The following RAB3C variants were observed in gnomAD, a reference collection of about 807,000 sequenced individuals.
RAB3C encodes RAB3C, member RAS oncogene family, also known as ras-related protein Rab-3C.
A neutral mutation model predicts 26.4 loss-of-function variants in RAB3C; 17 were observed. The observed-to-expected ratio is 0.64, with a 90% CI of 0.44 to 0.97. The LOEUF (loss-of-function observed/expected upper bound fraction) is 0.97, where lower values mean the gene tolerates loss of function less well. Ranked by LOEUF, RAB3C falls within the 50% of genes least tolerant of loss-of-function variation. The pLI, the probability that RAB3C is intolerant of heterozygous loss-of-function variation, is 0.00. For missense variants in RAB3C, 242 were observed against 281.9 expected (o/e 0.86, Z 1.01); for synonymous variants, 91 against 95.9 (o/e 0.95, Z 0.30).
chr5:58,851,246 CAA>C lies in RAB3C; in HGVS notation c.582_583del (p.Lys194AsnfsTer8), dbSNP rs1744107893. On this transcript the variant is annotated frameshift_variant, in exon 5 of 5. Coordinates refer to ENST00000282878, the MANE Select transcript of RAB3C (RefSeq NM_138453.4). LOFTEE classifies it high-confidence loss of function. ...AGCGCCTTGTGGATATCATCTGCGA[CAA>C]AATGTCAGAGAGTTTGGAGACTGAT... is the stretch of plus-strand genomic sequence containing the variant. Reference protein sequence around the residue: ...FERLVDIICDKMSESLETDPA... With the variant: ...FERLVDIICDXMSESLETDPA... 2 of 1,613,816 alleles carry C rather than the reference CAA, an allele frequency of 1.2e-6. No individual in the cohort carries two copies. Among genetic ancestry groups the C allele is most frequent in the Non-Finnish European group, 1.7e-6 (2 of 1,179,924 alleles).
intron 3 of RAB3C, among the ~76,000 whole-genome samples, chr5:58,806,993 C>A (rs1229149617): frequency 1.3e-5 from 2 of 152,154 alleles, no homozygotes; most frequent in South Asian, 4.1e-4. Flanking sequence ...ATTGGAAATG[C>A]GTTGGTGACT....
At chr5:58,677,624 C>G (rs1182132498) in intron 2 of RAB3C, among the ~76,000 whole-genome samples, 1 of 148,386 alleles carries the variant, frequency 6.7e-6, no homozygotes, top group Non-Finnish European at 1.5e-5. Flanking sequence ...AATATTGACA[C>G]CAATGCTCAA....
intron 3 of RAB3C, among the ~76,000 whole-genome samples, chr5:58,821,159 C>A (rs535039138): frequency 3.9e-5 from 6 of 152,308 alleles, no homozygotes; most frequent in African/African-American, 1.4e-4. Flanking sequence ...GTCATTAACA[C>A]CCTGGCCCCA....
chr5:58,592,090 G>C (rs1746144250), intron 1 of RAB3C, among the ~76,000 whole-genome samples: 1 of 151,502 alleles, frequency 6.6e-6, no homozygotes, highest in African/African-American at 2.4e-5. Flanking sequence ...GTAGAGACAG[G>C]GTTTCACCAT....
rs1436604193 is a variant in RAB3C at position 58,852,288 on chromosome 5, A to C, written c.*937A>C. On this transcript the variant is annotated 3_prime_UTR_variant, in exon 5 of 5. Coordinates refer to ENST00000282878, the MANE Select transcript of RAB3C (RefSeq NM_138453.4). The stretch of plus-strand genomic sequence containing the variant: ...ACCACCACCATCACTTTCTGGAACC[A>C]TCACCAACTCTTGGACTAGAGCTTA... The C allele has an allele frequency of 6.6e-6, 1 of 152,136 alleles. No individual in the cohort carries two copies. Among genetic ancestry groups the C allele is most frequent in the Non-Finnish European group, 1.5e-5 (1 of 68,040 alleles). 9.4% of individuals were successfully genotyped at this position (152,136 alleles called of 1,614,324 possible).
chr5:58,704,201 C>T (rs764190499), intron 2 of RAB3C, among the ~76,000 whole-genome samples: 1 of 152,170 alleles, frequency 6.6e-6, no homozygotes, highest in Non-Finnish European at 1.5e-5. Flanking sequence ...TTTCTAATGA[C>T]AAATCCTGAA....
chr5:58,704,948 T>G (rs1748914897), intron 2 of RAB3C, among the ~76,000 whole-genome samples: 1 of 152,166 alleles, frequency 6.6e-6, no homozygotes, highest in Non-Finnish European at 1.5e-5. Context: ...AATAATTGTA[T>G]GAGTTTCCTT....
chr5:58,610,822 G>T (rs1439962018), intron 1 of RAB3C, among the ~76,000 whole-genome samples: 1 of 152,130 alleles, frequency 6.6e-6, no homozygotes, highest in African/African-American at 2.4e-5. Context: ...TTGTGTCATG[G>T]AGTTTGTTGT....
At chr5:58,627,471 TAAAAAAAAAAAAAAAAAAA>T (rs58104232) in intron 2 of RAB3C, among the ~76,000 whole-genome samples, 16 of 68,440 alleles carry the variant, frequency 2.3e-4, no homozygotes, top group Non-Finnish European at 3.9e-4. Flanking sequence ...GACTCCGTCT[TAAAAAAAAAAAAAAAAAAA>T]AAAAAAAAAA....
intron 2 of RAB3C, among the ~76,000 whole-genome samples, chr5:58,685,484 C>A (rs1748426712): frequency 6.6e-6 from 1 of 152,178 alleles, no homozygotes; most frequent in African/African-American, 2.4e-5. Context: ...CAGAATAACT[C>A]TCCATCTCAA....
At chr5:58,824,926 G>GT (rs11384049) in intron 3 of RAB3C, 112 bp from the exon 4 acceptor site, 268,674 of 601,478 alleles carry the variant, frequency 0.45, 44,039 homozygotes, top group African/African-American at 0.57. Context: ...TGGACATCGT[G>GT]TTTTTTTTTT....
At chr5:58,702,003 T>C (rs184848597) in intron 2 of RAB3C, among the ~76,000 whole-genome samples, 106 of 152,320 alleles carry the variant, frequency 7.0e-4, no homozygotes, top group African/African-American at 2.4e-3. Flanking sequence ...AAGTGATGTC[T>C]TTTAGTAAGA....
rs138177292 is a variant in RAB3C at position 58,606,850 on chromosome 5, C to T, written c.25-10793C>T. Among the ~76,000 whole-genome samples, 1,506 of 152,260 alleles carry T rather than the reference C, an allele frequency of 9.9e-3. 25 individuals carry two copies. The highest frequency in any genetic ancestry group is 0.034 in the African/African-American group (1,431 of 41,548). The stretch of plus-strand genomic sequence containing the variant: ...ACCTGTTAGAAGGAAAACTAACAAA[C>T]AGAAAGAAATAGCATCGACATCAAC... On this transcript the variant is annotated intron_variant, in intron 1 of 4. Transcript: ENST00000282878.
rs1242197761 is a variant in RAB3C at position 58,612,518 on chromosome 5, G to GTGTGTGTGTGTATATATATA, written c.25-5122_25-5121insGTGTGTGTATATATATATGT. 1.2e-3 allele frequency among the ~76,000 whole-genome samples: 50 copies of GTGTGTGTGTGTATATATATA among 40,566 alleles called. No individual in the cohort carries two copies. In the East Asian group the frequency reaches 0.048, roughly 39 times the overall value. 26.6% of individuals were successfully genotyped at this position (40,566 alleles called of 152,430 possible). ...TGTGTGTGTGTGTGTGTGTGTGTGT[G>GTGTGTGTGTGTATATATATA]TGTATATATATATATATATATATAT... On this transcript the variant is annotated intron_variant, in intron 1 of 4. Transcript: ENST00000282878.
intron 3 of RAB3C, among the ~76,000 whole-genome samples, chr5:58,787,737 T>C (rs777114583): frequency 1.3e-5 from 2 of 152,148 alleles, no homozygotes; most frequent in Non-Finnish European, 2.9e-5. Context: ...TGTTCTTTGG[T>C]GTGCACGGTC....
chr5:58,603,889 C>G (rs1362235436), intron 1 of RAB3C, among the ~76,000 whole-genome samples: 1 of 152,142 alleles, frequency 6.6e-6, no homozygotes, highest in Non-Finnish European at 1.5e-5. Context: ...CTTGTTTTGT[C>G]ATATTATGAG....
intron 2 of RAB3C, among the ~76,000 whole-genome samples, chr5:58,695,240 G>T (rs1363953951): frequency 6.6e-6 from 1 of 152,172 alleles, no homozygotes; most frequent in African/African-American, 2.4e-5. Flanking sequence ...TTGTAGATGT[G>T]TGGTGTTATT....
chr5:58,585,380 GATAA>G (rs1311040113), intron 1 of RAB3C, among the ~76,000 whole-genome samples: 2 of 151,878 alleles, frequency 1.3e-5, no homozygotes, highest in Non-Finnish European at 2.9e-5. Context: ...AATGCAACAA[GATAA>G]ATAATTGACT....
At chr5:58,701,907 A>G (rs946854288) in intron 2 of RAB3C, among the ~76,000 whole-genome samples, 2 of 152,142 alleles carry the variant, frequency 1.3e-5, no homozygotes, top group Non-Finnish European at 2.9e-5. Context: ...AATCATACCT[A>G]TGAAATTCCT....
Sources: allele counts gnomAD v4.1 joint callset (sites outside exome capture counted in the v4.1 genomes callset), GRCh38; gene constraint gnomAD v4.1.1; transcripts MANE v1.5; gene names NCBI Gene and HGNC (gene_info 2026-07-23, HGNC 2026-07-21).